RASGEF1A: variants seen among roughly 807,000 people sequenced by gnomAD.
RASGEF1A encodes the protein ras-GEF domain-containing family member 1A.
A neutral mutation model predicts 56.4 loss-of-function variants in RASGEF1A; 18 were observed. That is an observed-to-expected ratio of 0.32 (90% CI 0.22 to 0.47). The LOEUF is 0.47. Ranked by LOEUF, RASGEF1A falls within the 20% of genes least tolerant of loss-of-function variation. The pLI, the probability that RASGEF1A is intolerant of heterozygous loss-of-function variation, is 1.00. For missense variants in RASGEF1A, 422 were observed against 627.1 expected, an observed-to-expected ratio of 0.67 and a Z score of 3.49; for synonymous variants, 245 against 242.6, an observed-to-expected ratio of 1.01 and a Z score of -0.09.
chr10:43,260,716 C>T (rs767709053), intron 1 of RASGEF1A, among the ~76,000 whole-genome samples: 51 of 152,150 alleles, frequency 3.4e-4, no homozygotes, highest in Non-Finnish European at 6.5e-4. Flanking sequence ...TGGACTTCTC[C>T]TGTACAACTG....
intron 1 of RASGEF1A, among the ~76,000 whole-genome samples, chr10:43,212,435 C>T (rs941551675): frequency 2.0e-5 from 3 of 152,210 alleles, no homozygotes; most frequent in African/African-American, 7.2e-5. Flanking sequence ...CTAGAACAGC[C>T]ACGTGCTGAT....
intron 1 of RASGEF1A, among the ~76,000 whole-genome samples, chr10:43,227,289 C>T (rs1840292490): frequency 6.6e-6 from 1 of 152,158 alleles, no homozygotes; most frequent in Non-Finnish European, 1.5e-5. Context: ...TTCCTGACTG[C>T]CTGCCCCCCC....
chr10:43,243,223 C>T (rs1428148137), intron 1 of RASGEF1A, among the ~76,000 whole-genome samples: 1 of 150,214 alleles, frequency 6.7e-6, no homozygotes, highest in Non-Finnish European at 1.5e-5. Context: ...GCCCGGCCGC[C>T]ACCCTGTCTA....
intron 1 of RASGEF1A, among the ~76,000 whole-genome samples, chr10:43,240,720 C>T (rs1340349768): frequency 6.6e-6 from 1 of 151,904 alleles, no homozygotes; most frequent in African/African-American, 2.4e-5. Flanking sequence ...GAGCCACAGA[C>T]ACCATAATGG....
chr10:43,201,733 C>T (rs778620528), intron 4 of RASGEF1A, 75 bp downstream of exon 4: 246 of 1,416,298 alleles, frequency 1.7e-4, no homozygotes, highest in Non-Finnish European at 2.2e-4. Context: ...GAGTTGTCCC[C>T]GAAGCCCCCA....
chr10:43,208,373 C>G (rs1840025011), intron 1 of RASGEF1A: 6 of 985,710 alleles, frequency 6.1e-6, no homozygotes, highest in Non-Finnish European at 7.2e-6. Context: ...CACTCCATGT[C>G]CAGCCTGCAG....
chr10:43,264,063 C>A (rs1004919412), intron 1 of RASGEF1A, among the ~76,000 whole-genome samples: 3 of 152,108 alleles, frequency 2.0e-5, no homozygotes, highest in African/African-American at 4.8e-5. Flanking sequence ...CCACTCTGAG[C>A]AGGCCAGGAC....
Position 43,203,290 on chromosome 10 carries a change from C to T in RASGEF1A, c.321+8G>A. On this transcript the variant is annotated splice_region_variant and intron_variant, in intron 3 of 12. Transcript: ENST00000395810. ...CCCCGCCCGTGCCCCAGCCAGGCCCCGCCTCACCTTTTCAGGCCCGGCTTC... is the reference window on the plus strand; with the variant it reads ...CCCCGCCCGTGCCCCAGCCAGGCCCTGCCTCACCTTTTCAGGCCCGGCTTC... The T allele has an allele frequency of 6.4e-7, 1 of 1,551,428 alleles. No individual in the cohort carries two copies. The highest frequency in any genetic ancestry group is 1.2e-5 in the South Asian group (1 of 84,210).
intron 1 of RASGEF1A, among the ~76,000 whole-genome samples, chr10:43,258,301 C>A (rs772793693): frequency 3.3e-5 from 5 of 152,220 alleles, no homozygotes; most frequent in Non-Finnish European, 5.9e-5. Flanking sequence ...AGCGGGAGGA[C>A]CCCATGGCTG....
chr10:43,213,879 G>A (rs1352945324), intron 1 of RASGEF1A, among the ~76,000 whole-genome samples: 3 of 152,076 alleles, frequency 2.0e-5, no homozygotes, highest in Non-Finnish European at 2.9e-5. Context: ...TGATCTGCCC[G>A]CCTCAACCTC....
intron 1 of RASGEF1A, among the ~76,000 whole-genome samples, chr10:43,253,670 C>T (rs1463695810): frequency 6.6e-6 from 1 of 152,200 alleles, no homozygotes; most frequent in Non-Finnish European, 1.5e-5. Flanking sequence ...CAGGGGCCAA[C>T]ATCCCACAGG....
intron 1 of RASGEF1A, among the ~76,000 whole-genome samples, chr10:43,243,839 C>T (rs530264513): frequency 6.8e-4 from 104 of 152,080 alleles, no homozygotes; most frequent in African/African-American, 2.1e-3. Context: ...AAGTGAGGAG[C>T]GCCTCTGCCA....
chr10:43,216,191 G>C (rs751845361), intron 1 of RASGEF1A, among the ~76,000 whole-genome samples: 1 of 152,128 alleles, frequency 6.6e-6, no homozygotes, highest in Non-Finnish European at 1.5e-5. Flanking sequence ...TGCCAGGAGC[G>C]GGGGCGCTGG....
At chr10:43,214,586 A>G (rs1266704705) in intron 1 of RASGEF1A, among the ~76,000 whole-genome samples, 1 of 152,166 alleles carries the variant, frequency 6.6e-6, no homozygotes, top group Non-Finnish European at 1.5e-5. Context: ...GAGAGTAGGA[A>G]CAACAGGCCA....
intron 3 of RASGEF1A, chr10:43,202,642 C>A (rs1274987054): frequency 2.1e-6 from 1 of 466,134 alleles, no homozygotes; most frequent in South Asian, 1.6e-5. Flanking sequence ...CTGGACCCCG[C>A]CCCCGGCCCC....
chr10:43,207,859 G>A (rs79741198), intron 1 of RASGEF1A: 5,244 of 500,424 alleles, frequency 0.01, 171 homozygotes, highest in East Asian at 0.094. Context: ...TGGTGAAACT[G>A]AGGCCCAGTG....
intron 1 of RASGEF1A, among the ~76,000 whole-genome samples, chr10:43,223,134 A>T (rs111595531): frequency 7.7e-4 from 117 of 152,272 alleles, no homozygotes; most frequent in African/African-American, 2.6e-3. Flanking sequence ...TGCCCAAGGG[A>T]TGAAAATATT....
chr10:43,210,404 G>T (rs1040528107), intron 1 of RASGEF1A, among the ~76,000 whole-genome samples: 3 of 152,180 alleles, frequency 2.0e-5, no homozygotes, highest in African/African-American at 7.2e-5. Flanking sequence ...AGCCCAGGAG[G>T]TTGAGGCTGC....
chr10:43,238,281 G>A (rs1840460897), intron 1 of RASGEF1A, among the ~76,000 whole-genome samples: 3 of 152,154 alleles, frequency 2.0e-5, no homozygotes, highest in Admixed American at 1.3e-4. Flanking sequence ...CTGCCTTCGG[G>A]GGTGTTGTAT....
Sources: gnomAD v4.1 joint callset for allele counts (sites outside exome capture counted in the v4.1 genomes callset) on GRCh38, gnomAD v4.1.1 for gene constraint, MANE v1.5 for transcripts, NCBI Gene and HGNC (gene_info 2026-07-23, HGNC 2026-07-21) for gene names.